ENAH: variants seen among roughly 807,000 people sequenced by gnomAD.
ENAH encodes protein enabled homolog.
A neutral mutation model predicts 78.7 loss-of-function variants in ENAH; 23 were observed. The ratio of observed to expected loss-of-function variants is 0.29; its 90% CI spans 0.21 to 0.41. The LOEUF is 0.41. Among genes scored for constraint, ENAH ranks in the 10% least tolerant of loss-of-function variants. The pLI is 1.00. For missense variants in ENAH, 544 were observed against 691.0 expected (o/e 0.79, Z 2.39); for synonymous variants, 226 against 241.0 (o/e 0.94, Z 0.58).
Position 225,501,056 on chromosome 1 carries a change from G to T in ENAH, c.1553C>A (p.Pro518His). 1 of 1,613,924 alleles carries T rather than the reference G, an allele frequency of 6.2e-7. No individual in the cohort carries two copies. The highest frequency in any genetic ancestry group is 8.5e-7 in the Non-Finnish European group (1 of 1,179,932). ...SPVISRPKST[P>H]LSQPSANGVQ... The stretch of plus-strand genomic sequence containing the variant: ...TCCATTGGCACTGGGCTGTGATAAG[G>T]GTGTGGATTTTGGTCTGTATAAATG... Residue 518 changes from proline (P) to histidine (H), a missense_variant, in exon 12 of 14, where the codon CCC (proline) becomes CAC (histidine). Pro to His is a moderately conservative substitution (Grantham distance 77). This residue lies in a region of ENAH where 97 missense variants were observed against 124.4 expected (regional missense o/e 0.78). Transcript: ENST00000366843.
In ENAH at chr1:225,558,868, C is replaced by T. The variant is rs2096684105; in HGVS notation, c.172-3785G>A. Among the ~76,000 whole-genome samples, 6 of 152,106 alleles carry T rather than the reference C, an allele frequency of 3.9e-5. No individual in the cohort carries two copies. In the South Asian group the frequency reaches 8.3e-4, roughly 21 times the overall value. ...CAGGAAGGTCTTGATCTCCTGACCTCGTGATCTGCCCACCTCGGCCTCCCA... is the reference window on the plus strand; with the variant it reads ...CAGGAAGGTCTTGATCTCCTGACCTTGTGATCTGCCCACCTCGGCCTCCCA... On this transcript the variant is annotated intron_variant, in intron 2 of 13. Coordinates refer to ENST00000366843, the MANE Select transcript of ENAH (RefSeq NM_018212.6).
intron 1 of ENAH, among the ~76,000 whole-genome samples, chr1:225,637,184 A>G (rs1048930037): frequency 6.6e-6 from 1 of 152,066 alleles, no homozygotes; most frequent in Non-Finnish European, 1.5e-5. Flanking sequence ...AGGTTTCTTC[A>G]GTAGATTTTT....
intron 3 of ENAH, among the ~76,000 whole-genome samples, chr1:225,545,181 C>T (rs375488096): frequency 6.6e-6 from 1 of 152,264 alleles, no homozygotes; most frequent in East Asian, 1.9e-4. Context: ...CAAAGCTAGG[C>T]ATGTCCATCT....
chr1:225,613,489 C>T (rs1356050493), intron 1 of ENAH, among the ~76,000 whole-genome samples: 1 of 152,114 alleles, frequency 6.6e-6, no homozygotes, highest in Non-Finnish European at 1.5e-5. Flanking sequence ...CTTGTTCCTT[C>T]TACTTTTTCA....
At chr1:225,509,031 T>C (rs1048261773) in intron 10 of ENAH, among the ~76,000 whole-genome samples, 17 of 152,214 alleles carry the variant, frequency 1.1e-4, no homozygotes, top group Admixed American at 9.8e-4. Flanking sequence ...TTAAAGTCAT[T>C]ATTGATCTTG....
chr1:225,583,179 G>A (rs941422519), intron 1 of ENAH, among the ~76,000 whole-genome samples: 12 of 152,166 alleles, frequency 7.9e-5, no homozygotes, highest in African/African-American at 2.7e-4. Flanking sequence ...GCTCACACCT[G>A]TAATCTCAGC....
intron 11 of ENAH, among the ~76,000 whole-genome samples, chr1:225,505,358 T>C (rs1246502936): frequency 1.3e-5 from 2 of 152,156 alleles, no homozygotes; most frequent in Non-Finnish European, 2.9e-5. Flanking sequence ...AAAGGACTAG[T>C]TTTCCCATCT....
At chr1:225,568,697 C>T (rs1238027357) in intron 1 of ENAH, among the ~76,000 whole-genome samples, 4 of 152,194 alleles carry the variant, frequency 2.6e-5, no homozygotes, top group Non-Finnish European at 4.4e-5. Flanking sequence ...CCCTCTTGCT[C>T]GTGCATCTGC....
chr1:225,517,640 AAGT>A (rs1222494727), intron 5 of ENAH: 2 of 1,550,576 alleles, frequency 1.3e-6, no homozygotes, highest in Non-Finnish European at 1.7e-6. Context: ...GAAAAATTGG[AAGT>A]AGACCAGGCA....
intron 1 of ENAH, among the ~76,000 whole-genome samples, chr1:225,579,356 T>C (rs2096803253): frequency 6.6e-6 from 1 of 152,240 alleles, no homozygotes; most frequent in Non-Finnish European, 1.5e-5. Flanking sequence ...ATGTTCTTTT[T>C]AGAAATAACC....
At chr1:225,520,935 AGG>A (rs1558748550) in intron 4 of ENAH, among the ~76,000 whole-genome samples, 3 of 778 alleles carry the variant, frequency 3.9e-3, no homozygotes, top group African/African-American at 7.4e-3. Context: ...GGAGGGAGGG[AGG>A]GAGGGAGGGA....
chr1:225,633,996 AAATT>A (rs1464821537), intron 1 of ENAH, among the ~76,000 whole-genome samples: 1 of 152,234 alleles, frequency 6.6e-6, no homozygotes, highest in Admixed American at 6.5e-5. Context: ...TATTTGCAAT[AAATT>A]AACAATGAAG....
At chr1:225,567,105 G>T in intron 2 of ENAH, 144 bp downstream of exon 2, 1 of 811,618 alleles carries the variant, frequency 1.2e-6, no homozygotes, top group African/African-American at 1.8e-5. Flanking sequence ...AAGGTAGAAA[G>T]GGTGGAGAGA....
chr1:225,648,799 T>C (rs1396989058), intron 1 of ENAH, among the ~76,000 whole-genome samples: 1 of 147,606 alleles, frequency 6.8e-6, no homozygotes, highest in African/African-American at 2.5e-5. Context: ...AATTAACAGG[T>C]CAGCATATAA....
intron 9 of ENAH, among the ~76,000 whole-genome samples, chr1:225,512,123 C>G (rs545092698): frequency 7.2e-5 from 11 of 152,262 alleles, no homozygotes; most frequent in East Asian, 5.8e-4. Context: ...ACACGAGAGA[C>G]AGATTTGAGG....
chr1:225,621,955 G>C (rs1431655108), intron 1 of ENAH, among the ~76,000 whole-genome samples: 1 of 151,880 alleles, frequency 6.6e-6, no homozygotes, highest in Non-Finnish European at 1.5e-5. Context: ...CTCCCTCTTC[G>C]TATCTCTCAC....
chr1:225,549,935 C>CA lies in ENAH; in HGVS notation c.349+4970dup, dbSNP rs560714037. 7.2e-4 allele frequency among the ~76,000 whole-genome samples: 110 copies of CA among 152,258 alleles called. 1 individual carries two copies. Among genetic ancestry groups the CA allele is most frequent in the African/African-American group, 2.5e-3 (103 of 41,564 alleles). ...CATGCTTGTAAACTTGCATGCTCAC[C>CA]ACACTTGTCCTAAAGCACAAACTTG... On this transcript the variant is annotated intron_variant, in intron 3 of 13. Coordinates refer to ENST00000366843, the MANE Select transcript of ENAH (RefSeq NM_018212.6).
chr1:225,497,744 T>G lies in ENAH; in HGVS notation c.*31A>C. 1.2e-6 allele frequency: 2 copies of G among 1,604,784 alleles called. No individual in the cohort carries two copies. Among genetic ancestry groups the G allele is most frequent in the Non-Finnish European group, 1.7e-6 (2 of 1,173,996 alleles). On this transcript the variant is annotated 3_prime_UTR_variant, in exon 14 of 14. Coordinates refer to ENST00000366843, the MANE Select transcript of ENAH (RefSeq NM_018212.6). Reference sequence around the variant, plus strand: ...GTTTGTAGGATATTTTTCCTCCAGATTAAAGTCCTATCTCTCCTTAGTCTG... The same window carrying G: ...GTTTGTAGGATATTTTTCCTCCAGAGTAAAGTCCTATCTCTCCTTAGTCTG...
intron 6 of ENAH, among the ~76,000 whole-genome samples, chr1:225,516,146 A>G (rs2096415587): frequency 6.6e-6 from 1 of 152,198 alleles, no homozygotes; most frequent in Non-Finnish European, 1.5e-5. Flanking sequence ...TAATCCACTT[A>G]GAGATTACAT....
Sources: allele counts gnomAD v4.1 joint callset (sites outside exome capture counted in the v4.1 genomes callset), GRCh38; gene constraint gnomAD v4.1.1; regional missense constraint gnomAD v4.1.1; transcripts MANE v1.5; gene names NCBI Gene and HGNC (gene_info 2026-07-23, HGNC 2026-07-21).